Variants in LRFN1 observed in about 807,000 individuals in gnomAD.
LRFN1 encodes the protein leucine-rich repeat and fibronectin type III domain-containing protein 1.
A neutral mutation model predicts 31.8 loss-of-function variants in LRFN1; 20 were observed. The ratio of observed to expected loss-of-function variants is 0.63; its 90% CI spans 0.44 to 0.91. The LOEUF (loss-of-function observed/expected upper bound fraction) is 0.91, where lower values mean the gene tolerates loss of function less well. Among genes scored for constraint, LRFN1 ranks in the 40% least tolerant of loss-of-function variants. The pLI, the probability that LRFN1 is intolerant of heterozygous loss-of-function variation, is 0.00. For synonymous variants in LRFN1, 514 were observed against 541.3 expected, an observed-to-expected ratio of 0.95 and a Z score of 0.70; for missense variants, 912 against 1,129.8, an observed-to-expected ratio of 0.81 and a Z score of 2.76.
rs1293659286 is a variant in LRFN1, at chr19:39,307,358, G to A, written c.*275C>T. 2 of 404,288 alleles carry A rather than the reference G, an allele frequency of 4.9e-6. No homozygotes were observed. Among genetic ancestry groups the A allele is most frequent in the Non-Finnish European group, 8.7e-6 (2 of 229,744 alleles). The allele number at this position is 404,288 out of a possible 1,614,324, so 25.0% of individuals were successfully genotyped here. A position where few individuals can be genotyped will look rare whatever the true frequency, so the allele number is the denominator to read the frequency against. ...CGCTGTGTAAGGCACCGGCTCCAGC[G>A]AGGTCCGCGAGCGCGCGAGGGGAGG... is the stretch of plus-strand genomic sequence containing the variant. On this transcript the variant is annotated 3_prime_UTR_variant, in exon 5 of 5. Transcript: ENST00000248668. The surrounding 1 kb of genome is among the most constrained non-coding windows in gnomAD (Gnocchi z 6.7).
At position 39,307,977 on chromosome 19, in the gene LRFN1, T is replaced by C. The variant is rs201157757; in HGVS notation, c.1972A>G (p.Thr658Ala). The C allele has an allele frequency of 1.9e-5, 30 of 1,579,004 alleles. 1 individual carries two copies. The East Asian group carries it at 6.5e-4, about 34-fold the overall frequency. Residue 658 changes from threonine to alanine, a missense_variant, in exon 5 of 5, where the codon ACT (threonine) becomes GCT (alanine). Thr to Ala is a moderately conservative substitution (Grantham distance 58). This residue lies in a region of LRFN1 where 511 missense variants were observed against 557.0 expected (regional missense o/e 0.92). Transcript: ENST00000248668. The surrounding 1 kb of genome is among the most constrained non-coding windows in gnomAD (Gnocchi z 6.7). ...TSLCLLPSEE[T>A]SGEESRAAVG... is the part of the protein sequence containing the mutation. ...GCGGCCCGAGACTCCTCCCCGGAAGTTTCCTCGGATGGCAGCAGGCACAGC... is the reference window on the plus strand; with the variant it reads ...GCGGCCCGAGACTCCTCCCCGGAAGCTTCCTCGGATGGCAGCAGGCACAGC...
intron 4 of LRFN1, among the ~76,000 whole-genome samples, chr19:39,310,807 G>C (rs2075148071): frequency 6.6e-6 from 1 of 152,066 alleles, no homozygotes; most frequent in South Asian, 2.1e-4. Flanking sequence ...TTCTGGCCCT[G>C]AAGCTCCACC....
Position 39,307,500 on chromosome 19 carries a change from T to C in LRFN1, c.*133A>G, listed in dbSNP as rs923567372. The C allele has an allele frequency of 9.5e-7, 1 of 1,057,528 alleles. No homozygotes were observed. Among genetic ancestry groups the C allele is most frequent in the African/African-American group, 1.7e-5 (1 of 60,388 alleles). The allele number at this position is 1,057,528 out of a possible 1,614,324, so 65.5% of individuals were successfully genotyped here. On this transcript the variant is annotated 3_prime_UTR_variant, in exon 5 of 5. Transcript: ENST00000248668. This position sits in a 1 kb window ranked among gnomAD's most constrained non-coding sequence, Gnocchi z 6.7. ...CGCAGCCCGAGGCTGCCCCGCCCCC[T>C]CCCGGGGACAAGGGCGCGTCTCCAC...
Position 39,307,150 on chromosome 19 carries a change from C to A in LRFN1, c.*483G>T. 1 of 397,142 alleles carries A rather than the reference C, an allele frequency of 2.5e-6. No individual in the cohort carries two copies. Among genetic ancestry groups the A allele is most frequent in the South Asian group, 1.4e-4 (1 of 7,046 alleles). The allele number at this position is 397,142 out of a possible 1,614,324, so 24.6% of individuals were successfully genotyped here. Reference sequence around the variant, plus strand: ...AAGGGGGACCCCAAGCCAGACCCGACCGGACCAGGAATGTGCGTGGGGTGG... The same window carrying A: ...AAGGGGGACCCCAAGCCAGACCCGAACGGACCAGGAATGTGCGTGGGGTGG... On this transcript the variant is annotated 3_prime_UTR_variant, in exon 5 of 5. Coordinates refer to ENST00000248668, the MANE Select transcript of LRFN1 (RefSeq NM_020862.2). This position sits in a 1 kb window ranked among gnomAD's most constrained non-coding sequence, Gnocchi z 6.7.
chr19:39,311,956 G>A (rs546356369), intron 4 of LRFN1, among the ~76,000 whole-genome samples: 27 of 126,204 alleles, frequency 2.1e-4, no homozygotes, highest in Admixed American at 5.8e-4. Flanking sequence ...TGCAACCTCC[G>A]CCTCCCAGGT....
rs911333256 is a variant in LRFN1, at chr19:39,315,998, T to TA, written c.-38+83dup. The TA allele has an allele frequency of 2.0e-5, 3 of 152,076 alleles. No homozygotes were observed. The highest frequency in any genetic ancestry group is 2.1e-4 in the South Asian group (1 of 4,824). The allele number at this position is 152,076 out of a possible 1,614,324, so 9.4% of individuals were successfully genotyped here. ...GCCCTCCAGTACCCACTAAATTGTCTAAAAAATCACTGTTAACTATGGTTT... is the reference window on the plus strand; with the variant it reads ...GCCCTCCAGTACCCACTAAATTGTCTAAAAAAATCACTGTTAACTATGGTTT... On this transcript the variant is annotated intron_variant, in intron 3 of 4. Transcript: ENST00000248668. The surrounding 1 kb of genome is among the most constrained non-coding windows in gnomAD (Gnocchi z 4.7).
Position 39,308,370 on chromosome 19 carries a change from G to T in LRFN1, c.1579C>A (p.Leu527Met). ...TAGDPAPCRPLRAHFLGGTMI... is the reference protein window; with the variant it reads ...TAGDPAPCRPMRAHFLGGTMI... ...GTGCCGCCCAAGAAATGGGCCCTCA[G>T]CGGGCGGCAGGGCGCCGGATCCCCA... The change falls in exon 5 of 5, where the codon CTG becomes ATG. Residue 527 changes from leucine (L) to methionine (M), a missense_variant. Coordinates refer to ENST00000248668, the MANE Select transcript of LRFN1 (RefSeq NM_020862.2). This position sits in a 1 kb window ranked among gnomAD's most constrained non-coding sequence, Gnocchi z 6.2. The T allele has an allele frequency of 1.2e-6, 2 of 1,612,290 alleles. No homozygotes were observed. The highest frequency in any genetic ancestry group is 1.7e-6 in the Non-Finnish European group (2 of 1,179,426).
intron 4 of LRFN1, among the ~76,000 whole-genome samples, chr19:39,311,674 A>G (rs2075150776): frequency 6.6e-6 from 1 of 152,102 alleles, no homozygotes; most frequent in East Asian, 1.9e-4. Flanking sequence ...GGGAAGATCA[A>G]GCTTGGAAGT....
At chr19:39,311,516 C>T (rs1054942936) in intron 4 of LRFN1, among the ~76,000 whole-genome samples, 3 of 152,176 alleles carry the variant, frequency 2.0e-5, no homozygotes, top group Non-Finnish European at 4.4e-5. Context: ...CCCTTCCAAG[C>T]AGTGGGTGCC....
chr19:39,316,691 A>G (rs1460755401), intron 2 of LRFN1, among the ~76,000 whole-genome samples: 2 of 152,012 alleles, frequency 1.3e-5, no homozygotes, highest in Non-Finnish European at 2.9e-5. Flanking sequence ...ATCTTTGGGT[A>G]CACACAACAC....
intron 4 of LRFN1, among the ~76,000 whole-genome samples, chr19:39,312,176 C>T (rs959151701): frequency 6.6e-6 from 1 of 151,938 alleles, no homozygotes; most frequent in Non-Finnish European, 1.5e-5. Context: ...GGCCAAGAGG[C>T]ATTTTTTTCA....
At position 39,308,076 on chromosome 19, in the gene LRFN1, C is replaced by T. The variant is rs2075136169; in HGVS notation, c.1873G>A (p.Ala625Thr). ...GCGGATGCCGTCTCGGCCTCCATGGCCTTGGCCTCGACGGCGACGGCGGGG... is the reference window on the plus strand; with the variant it reads ...GCGGATGCCGTCTCGGCCTCCATGGTCTTGGCCTCGACGGCGACGGCGGGG... ...AAPAVAVEAK[A>T]MEAETASAEP... The change falls in exon 5 of 5, where the codon GCC (alanine) becomes ACC (threonine). Residue 625 changes from alanine to threonine, a missense_variant. Around this residue, in one of 2 missense-constraint regions of LRFN1, gnomAD observed 511 missense variants for 557.0 expected, o/e 0.92. Coordinates refer to ENST00000248668, the MANE Select transcript of LRFN1 (RefSeq NM_020862.2). The surrounding 1 kb of genome is among the most constrained non-coding windows in gnomAD (Gnocchi z 6.2). 2 of 1,505,854 alleles carry T rather than the reference C, an allele frequency of 1.3e-6. No homozygotes were observed. Among genetic ancestry groups the T allele is most frequent in the Non-Finnish European group, 8.8e-7 (1 of 1,133,636 alleles). 93.3% of individuals were successfully genotyped at this position (1,505,854 alleles called of 1,614,324 possible). A position where few individuals can be genotyped will look rare whatever the true frequency, so the allele number is the denominator to read the frequency against.
At chr19:39,309,425 G>T (rs1199808285) in intron 4 of LRFN1, among the ~76,000 whole-genome samples, 1 of 132,774 alleles carries the variant, frequency 7.5e-6, no homozygotes, top group East Asian at 2.2e-4. Context: ...TTGCACTCTA[G>T]CTTGGGCTAC....
In LRFN1 at chr19:39,307,631, G is replaced by T; in HGVS notation, c.*2C>A. The T allele has an allele frequency of 7.2e-7, 1 of 1,396,104 alleles. No homozygotes were observed. The highest frequency in any genetic ancestry group is 9.2e-7 in the Non-Finnish European group (1 of 1,082,710). The allele number at this position is 1,396,104 out of a possible 1,614,324, so 86.5% of individuals were successfully genotyped here. A position where few individuals can be genotyped will look rare whatever the true frequency, so the allele number is the denominator to read the frequency against. ...CCAGGCGTCCCGGCGCCCGCCCGCC[G>T]CTCACACGGTACTCTCCAGCATCCA... On this transcript the variant is annotated 3_prime_UTR_variant, in exon 5 of 5. Transcript: ENST00000248668. The surrounding 1 kb of genome is among the most constrained non-coding windows in gnomAD (Gnocchi z 6.7).
intron 4 of LRFN1, among the ~76,000 whole-genome samples, chr19:39,310,535 A>G (rs1568568476): frequency 6.6e-6 from 1 of 152,134 alleles, no homozygotes; most frequent in Non-Finnish European, 1.5e-5. Context: ...TGTTGAGCAC[A>G]TCGTTTCCAC....
chr19:39,308,661 A>G lies in LRFN1; in HGVS notation c.1407-119T>C. ...CCCTGCTATCGAAGTCTCAGCCGCT[A>G]CTGAGACAACAGCAGCAATTCAAGC... On this transcript the variant is annotated intron_variant, in intron 4 of 4. Transcript: ENST00000248668. The surrounding 1 kb of genome is among the most constrained non-coding windows in gnomAD (Gnocchi z 6.2). 2.3e-6 allele frequency: 2 copies of G among 866,100 alleles called. No homozygotes were observed. Among genetic ancestry groups the G allele is most frequent in the Non-Finnish European group, 3.5e-6 (2 of 579,148 alleles). 53.7% of individuals were successfully genotyped at this position (866,100 alleles called of 1,614,324 possible).
chr19:39,314,653 G>A lies in LRFN1; in HGVS notation c.684C>T (p.Asp228=). 1.2e-6 allele frequency: 2 copies of A among 1,612,530 alleles called. No individual in the cohort carries two copies. The highest frequency in any genetic ancestry group is 1.3e-5 in the African/African-American group (1 of 75,042). ...TSNRLHKLPP[D]GLFLRSQGTG... is the part of the protein sequence containing the mutation. ...TGCCCTGCGACCTCAGGAAGAGCCC[G>A]TCGGGCGGGAGTTTATGCAGGCGGT... The change falls in exon 4 of 5, where the codon GAC becomes GAT. Residue 228 remains aspartate (D), a synonymous_variant. Coordinates refer to ENST00000248668, the MANE Select transcript of LRFN1 (RefSeq NM_020862.2).
Position 39,306,730 on chromosome 19 carries a change from A to AC in LRFN1, c.*902_*903insG, listed in dbSNP as rs2075129670. 8.9e-5 allele frequency: 12 copies of AC among 134,852 alleles called. No homozygotes were observed. The East Asian group carries it at 2.1e-3, about 23-fold the overall frequency. 8.4% of individuals were successfully genotyped at this position (134,852 alleles called of 1,614,324 possible). On this transcript the variant is annotated 3_prime_UTR_variant, in exon 5 of 5. Coordinates refer to ENST00000248668, the MANE Select transcript of LRFN1 (RefSeq NM_020862.2). The stretch of plus-strand genomic sequence containing the variant: ...GCTGCAATCTAGGTCACCCTCCCCC[A>AC]ACACACACACACACACACACACACA...
At position 39,307,536 on chromosome 19, in the gene LRFN1, T is replaced by C. The variant is rs976882443; in HGVS notation, c.*97A>G. ...AGGGCGCGTCTCCACTCTGGTCCAATGTCTTGGCGCTGCGCTTTCTCCCAG... is the reference window on the plus strand; with the variant it reads ...AGGGCGCGTCTCCACTCTGGTCCAACGTCTTGGCGCTGCGCTTTCTCCCAG... On this transcript the variant is annotated 3_prime_UTR_variant, in exon 5 of 5. Coordinates refer to ENST00000248668, the MANE Select transcript of LRFN1 (RefSeq NM_020862.2). The surrounding 1 kb of genome is among the most constrained non-coding windows in gnomAD (Gnocchi z 6.7). 1.5e-5 allele frequency: 19 copies of C among 1,265,198 alleles called. No individual in the cohort carries two copies. The East Asian group carries it at 4.7e-4, about 32-fold the overall frequency. The allele number at this position is 1,265,198 out of a possible 1,614,324, so 78.4% of individuals were successfully genotyped here.
Sources: allele counts gnomAD v4.1 joint callset (sites outside exome capture counted in the v4.1 genomes callset), GRCh38; gene constraint gnomAD v4.1.1; regional missense constraint gnomAD v4.1.1; non-coding constraint Gnocchi (gnomAD v3.1); transcripts MANE v1.5; gene names NCBI Gene and HGNC (gene_info 2026-07-23, HGNC 2026-07-21).